Variants in MTDH observed in about 807,000 individuals in gnomAD.
MTDH encodes the protein metadherin.
In MTDH, 34 loss-of-function variants were observed where a neutral mutation model predicts 72.7. That is an observed-to-expected ratio of 0.47 (90% CI 0.36 to 0.62). MTDH has a LOEUF of 0.62. MTDH is among the 20% of genes least tolerant of loss of function. The pLI, the probability that MTDH is intolerant of heterozygous loss-of-function variation, is 0.00. For synonymous variants in MTDH, 266 were observed against 268.9 expected, an observed-to-expected ratio of 0.99 and a Z score of 0.10; for missense variants, 677 against 699.4, an observed-to-expected ratio of 0.97 and a Z score of 0.36.
At chr8:97,687,688 C>T (rs1392788169) in intron 4 of MTDH, 83 bp downstream of exon 4, 1 of 1,223,382 alleles carries the variant, frequency 8.2e-7, no homozygotes, top group African/African-American at 1.5e-5. Context: ...ATGTCAAAAT[C>T]TGACTATTTT....
At chr8:97,678,809 G>A (rs1462769808) in intron 2 of MTDH, among the ~76,000 whole-genome samples, 1 of 151,804 alleles carries the variant, frequency 6.6e-6, no homozygotes, top group African/African-American at 2.4e-5. Flanking sequence ...ATGGTTGTCT[G>A]CTTACCAGAT....
chr8:97,719,950 G>A (rs1815038499), intron 10 of MTDH, among the ~76,000 whole-genome samples: 1 of 152,180 alleles, frequency 6.6e-6, no homozygotes, highest in Non-Finnish European at 1.5e-5. Context: ...GCCTAGGTTG[G>A]TGACACAAAA....
At chr8:97,678,594 C>CTTTTTTTTTTTTTTTTTTTTTTTTTTTT in intron 2 of MTDH, among the ~76,000 whole-genome samples, 1 of 85,324 alleles carries the variant, frequency 1.2e-5, no homozygotes, top group East Asian at 4.1e-4. Flanking sequence ...TTCCTTCCTT[C>CTTTTTTTTTTTTTTTTTTTTTTTTTTTT]TTTTTTTTTT....
Position 97,644,713 on chromosome 8 carries a change from C to T in MTDH, c.207C>T (p.Tyr69=), listed in dbSNP as rs746538053. 12 of 1,591,504 alleles carry T rather than the reference C, an allele frequency of 7.5e-6. No homozygotes were observed. In the South Asian group the frequency reaches 1.2e-4, roughly 16 times the overall value. The change falls in exon 1 of 12, where the codon TAC becomes TAT. Residue 69 remains tyrosine, a synonymous_variant. Transcript: ENST00000336273. The part of the protein sequence containing the change: ...LGLLLLFLLG[Y]GWAAACAGAR... ...TGCTGCTGCTGTTTCTGCTGGGCTACGGCTGGGCCGCGGCTTGCGCCGGCG... is the reference window on the plus strand; with the variant it reads ...TGCTGCTGCTGTTTCTGCTGGGCTATGGCTGGGCCGCGGCTTGCGCCGGCG...
intron 1 of MTDH, among the ~76,000 whole-genome samples, chr8:97,650,357 C>T (rs917287908): frequency 6.6e-6 from 1 of 150,796 alleles, no homozygotes; most frequent in Non-Finnish European, 1.5e-5. Context: ...TCACTGCAAC[C>T]TCAACCTCCC....
intron 7 of MTDH, among the ~76,000 whole-genome samples, chr8:97,703,449 A>G (rs977411266): frequency 6.6e-6 from 1 of 152,198 alleles, no homozygotes; most frequent in Non-Finnish European, 1.5e-5. Flanking sequence ...ACATGTTGGT[A>G]TATTGCCCAC....
chr8:97,702,040 T>G lies in MTDH; in HGVS notation c.1147+2188T>G, dbSNP rs1337767580. On this transcript the variant is annotated intron_variant, in intron 7 of 11. Transcript: ENST00000336273. ...GCTCTATTTTTGGTGCTCAGTGAAT[T>G]TAGTTATTACTTCTGAATTTCTAAA... Among the ~76,000 whole-genome samples, 5 of 152,310 alleles carry G rather than the reference T, an allele frequency of 3.3e-5. No individual in the cohort carries two copies. In the East Asian group the frequency reaches 9.6e-4, roughly 29 times the overall value.
In MTDH at chr8:97,723,049, ATT is replaced by A. The variant is rs758638551; in HGVS notation, c.1678+19_1678+20del. The A allele has an allele frequency of 1.9e-6, 3 of 1,611,110 alleles. No individual in the cohort carries two copies. Among genetic ancestry groups the A allele is most frequent in the Non-Finnish European group, 1.7e-6 (2 of 1,178,718 alleles). ...CTCCTTCACAGAGTAAGTAATCCTC[ATT>A]TTTTGTTCCTTTGTACTGTTTACAT... On this transcript the variant is annotated intron_variant, in intron 11 of 11. Coordinates refer to ENST00000336273, the MANE Select transcript of MTDH (RefSeq NM_178812.4).
Position 97,708,966 on chromosome 8 carries a change from G to T in MTDH, c.1272+2216G>T, listed in dbSNP as rs1814504236. Reference sequence around the variant, plus strand: ...CTCCCACTTTGCGAGGCCAAGGTGGGTAGATCACAAGGTCAGGAGTTCAAG... The same window carrying T: ...CTCCCACTTTGCGAGGCCAAGGTGGTTAGATCACAAGGTCAGGAGTTCAAG... On this transcript the variant is annotated intron_variant, in intron 8 of 11. Transcript: ENST00000336273. 2.6e-5 allele frequency among the ~76,000 whole-genome samples: 4 copies of T among 151,170 alleles called. No homozygotes were observed. In the South Asian group the frequency reaches 8.6e-4, roughly 33 times the overall value.
intron 2 of MTDH, among the ~76,000 whole-genome samples, chr8:97,669,981 GA>G (rs1035825339): frequency 5.3e-5 from 8 of 151,380 alleles, no homozygotes; most frequent in African/African-American, 1.9e-4. Flanking sequence ...ATGTAGCCTG[GA>G]TTTTTTTGCC....
At chr8:97,711,959 A>C (rs1814656623) in intron 8 of MTDH, among the ~76,000 whole-genome samples, 1 of 152,234 alleles carries the variant, frequency 6.6e-6, no homozygotes, top group South Asian at 2.1e-4. Context: ...CATTGATGCA[A>C]TCAAGATACA....
chr8:97,678,481 T>C (rs1461667407), intron 2 of MTDH, among the ~76,000 whole-genome samples: 1 of 152,120 alleles, frequency 6.6e-6, no homozygotes, highest in Non-Finnish European at 1.5e-5. Context: ...ATTCATTGAC[T>C]CTATTATAGC....
At chr8:97,700,712 A>G (rs1488332296) in intron 7 of MTDH, among the ~76,000 whole-genome samples, 1 of 152,244 alleles carries the variant, frequency 6.6e-6, no homozygotes, top group Non-Finnish European at 1.5e-5. Context: ...TTGTTTCCAC[A>G]CTTTCCAGAT....
chr8:97,667,471 G>T (rs1438332889), intron 2 of MTDH, among the ~76,000 whole-genome samples: 1 of 152,188 alleles, frequency 6.6e-6, no homozygotes, highest in African/African-American at 2.4e-5. Context: ...ACTGATGATT[G>T]TCTTGAGGAA....
chr8:97,724,559 C>A (rs1170386507), intron 11 of MTDH, 41 bp from the exon 12 acceptor site: 1 of 1,370,524 alleles, frequency 7.3e-7, no homozygotes, highest in South Asian at 1.3e-5. Flanking sequence ...ATTTACCATC[C>A]TCCTAATTTT....
intron 2 of MTDH, among the ~76,000 whole-genome samples, chr8:97,671,000 C>T (rs1189521906): frequency 6.9e-6 from 1 of 144,806 alleles, no homozygotes; most frequent in Non-Finnish European, 1.5e-5. Context: ...GCTCTGTCGC[C>T]CAGGCCGGAC....
Position 97,689,706 on chromosome 8 carries a change from T to G in MTDH, c.811+603T>G, listed in dbSNP as rs1481445622. Among the ~76,000 whole-genome samples, 5 of 45,098 alleles carry G rather than the reference T, an allele frequency of 1.1e-4. No individual in the cohort carries two copies. The African/African-American group carries it at 1.6e-3, about 14-fold the overall frequency. The allele number at this position is 45,098 out of a possible 152,430, so 29.6% of individuals were successfully genotyped here. On this transcript the variant is annotated intron_variant, in intron 5 of 11. Coordinates refer to ENST00000336273, the MANE Select transcript of MTDH (RefSeq NM_178812.4). ...AAAAAGCACCTTCTTCTTTCAGGCC[T>G]TTTTTTTTTTTTTTTTGGGAAATGG...
chr8:97,682,452 C>T (rs182222291), intron 2 of MTDH, among the ~76,000 whole-genome samples: 53 of 149,786 alleles, frequency 3.5e-4, no homozygotes, highest in Non-Finnish European at 5.9e-4. Flanking sequence ...GCGCCCGCCA[C>T]CACGCCTGGC....
chr8:97,682,228 CTTTATATATATA>C (rs1322213978), intron 2 of MTDH, among the ~76,000 whole-genome samples: 90 of 44,048 alleles, frequency 2.0e-3, no homozygotes, highest in Non-Finnish European at 2.9e-3. Context: ...TTGTTAATTA[CTTTATATATATA>C]TATATATATA....
Sources: allele counts gnomAD v4.1 joint callset (sites outside exome capture counted in the v4.1 genomes callset), GRCh38; gene constraint gnomAD v4.1.1; transcripts MANE v1.5; gene names NCBI Gene and HGNC (gene_info 2026-07-23, HGNC 2026-07-21).